GSDMC: variants seen among roughly 807,000 people sequenced by gnomAD.
GSDMC encodes gasdermin-C.
A neutral mutation model predicts 58.0 loss-of-function variants in GSDMC; 59 were observed. The observed-to-expected ratio is 1.02, with a 90% CI of 0.82 to 1.26. The LOEUF (loss-of-function observed/expected upper bound fraction) is 1.26, where lower values mean the gene tolerates loss of function less well. GSDMC is among the 50% of genes most tolerant of loss of function. The pLI is 0.00. For synonymous variants in GSDMC, 241 were observed against 220.2 expected (o/e 1.09, Z -0.83); for missense variants, 659 against 598.5 (o/e 1.10, Z -1.06).
chr8:129,728,305 C>A, the GSDMC span, among the ~76,000 whole-genome samples: 1 of 152,300 alleles, frequency 6.6e-6, no homozygotes, highest in Admixed American at 6.5e-5. Flanking sequence ...CCCACTGTTT[C>A]TGTGCAGTGA....
At position 129,752,131 on chromosome 8, in the gene GSDMC, CTG is replaced by C. The variant is rs1291975422; in HGVS notation, c.859_860del (p.Gln287AlafsTer104). ...MKLKPELFLT[Q>X]QFLSGHLPKY... ...TTGGCAAATGCCCGCTCAAAAATTGCTGTGTCAGAAATAGCTCTGGAAAGAGA... is the reference window on the plus strand; with the variant it reads ...TTGGCAAATGCCCGCTCAAAAATTGCTGTCAGAAATAGCTCTGGAAAGAGA... On this transcript the variant is annotated frameshift_variant, in exon 8 of 14. Transcript: ENST00000276708. LOFTEE classifies it high-confidence loss of function. 9 of 1,613,062 alleles carry C rather than the reference CTG, an allele frequency of 5.6e-6. No individual in the cohort carries two copies. The highest frequency in any genetic ancestry group is 4.0e-5 in the African/African-American group (3 of 74,906).
the GSDMC span, among the ~76,000 whole-genome samples, chr8:129,718,040 TTAAATG>T: frequency 6.6e-6 from 1 of 152,102 alleles, no homozygotes; most frequent in South Asian, 2.1e-4. Flanking sequence ...GATTCAAAAC[TTAAATG>T]TAAGACCTAA....
At chr8:129,727,539 G>A in the GSDMC span, among the ~76,000 whole-genome samples, 3 of 152,308 alleles carry the variant, frequency 2.0e-5, no homozygotes, top group South Asian at 6.2e-4. Flanking sequence ...GGCCGAGGGA[G>A]AGCACTTTGT....
At chr8:129,759,756 G>A (rs531377682) in intron 6 of GSDMC, among the ~76,000 whole-genome samples, 66 of 152,242 alleles carry the variant, frequency 4.3e-4, no homozygotes, top group African/African-American at 1.5e-3. Flanking sequence ...CTCATATGCC[G>A]TTGATGGGAA....
At chr8:129,725,239 G>A in the GSDMC span, among the ~76,000 whole-genome samples, 1 of 152,178 alleles carries the variant, frequency 6.6e-6, no homozygotes, top group Non-Finnish European at 1.5e-5. Context: ...ATGGCAGCAC[G>A]TCCCTGTCCT....
the GSDMC span, among the ~76,000 whole-genome samples, chr8:129,717,944 T>A: frequency 6.6e-6 from 1 of 152,110 alleles, no homozygotes; most frequent in Non-Finnish European, 1.5e-5. Context: ...ATTTAATAAA[T>A]GGTGTTGGGG....
chr8:129,722,303 G>C, the GSDMC span, among the ~76,000 whole-genome samples: 1 of 152,196 alleles, frequency 6.6e-6, no homozygotes, highest in Non-Finnish European at 1.5e-5. Flanking sequence ...AAGAGGTGAA[G>C]CTTTAATGAA....
intron 3 of GSDMC, among the ~76,000 whole-genome samples, chr8:129,766,150 T>C (rs1051783901): frequency 6.6e-6 from 1 of 152,144 alleles, no homozygotes; most frequent in Non-Finnish European, 1.5e-5. Context: ...GAACAGTCTT[T>C]AGGAGGTCCT....
chr8:129,782,320 C>T (rs2034437990), intron 1 of GSDMC, among the ~76,000 whole-genome samples: 1 of 152,026 alleles, frequency 6.6e-6, no homozygotes. Flanking sequence ...AAACCAAGAG[C>T]AGCCCAAACC....
rs539328473 is a variant in GSDMC, at chr8:129,753,035, G to A, written c.722-215C>T. ...TGCAAATGCCAGCCAAAGAGCTCTG[G>A]AGTCCTAGGTAAACTTAAAGGTCAG... On this transcript the variant is annotated intron_variant, in intron 6 of 13. Coordinates refer to ENST00000276708, the MANE Select transcript of GSDMC (RefSeq NM_031415.3). 7.6e-5 allele frequency: 63 copies of A among 833,886 alleles called. No homozygotes were observed. The East Asian group carries it at 1.8e-3, about 24-fold the overall frequency. The allele number at this position is 833,886 out of a possible 1,614,324, so 51.7% of individuals were successfully genotyped here. A position where few individuals can be genotyped will look rare whatever the true frequency, so the allele number is the denominator to read the frequency against.
intron 3 of GSDMC, among the ~76,000 whole-genome samples, chr8:129,772,065 C>T (rs1185617237): frequency 6.6e-6 from 1 of 152,040 alleles, no homozygotes; most frequent in East Asian, 1.9e-4. Flanking sequence ...GAGATCGAGA[C>T]CATCCTGGCT....
At chr8:129,777,762 T>C (rs1378363067) in intron 1 of GSDMC, among the ~76,000 whole-genome samples, 171 bp from the exon 2 acceptor site, 3 of 152,196 alleles carry the variant, frequency 2.0e-5, no homozygotes, top group Non-Finnish European at 2.9e-5. Context: ...CATTTTTTTG[T>C]TGTTTTTGAG....
the GSDMC span, chr8:129,722,890 T>G: frequency 6.6e-6 from 1 of 152,208 alleles, no homozygotes; most frequent in Non-Finnish European, 1.5e-5. Flanking sequence ...TAAGCTGATT[T>G]GAATTATCTA....
At chr8:129,729,275 G>A in the GSDMC span, 1 of 613,574 alleles carries the variant, frequency 1.6e-6, no homozygotes, top group Admixed American at 2.1e-5. Context: ...TGCCAGTATT[G>A]GGGGTTCAGA....
At chr8:129,758,059 A>C (rs2033510875) in intron 6 of GSDMC, among the ~76,000 whole-genome samples, 1 of 152,230 alleles carries the variant, frequency 6.6e-6, no homozygotes, top group African/African-American at 2.4e-5. Context: ...AAGATAGTTC[A>C]ACATACACAA....
Position 129,748,667 on chromosome 8 carries a change from G to A in GSDMC, c.1361C>T (p.Ala454Val). ...IPFTLKPELLAPLQSEGLAIT... is the reference protein window; with the variant it reads ...IPFTLKPELLVPLQSEGLAIT... ...GGCCAAACCCTCACTCTGGAGTGGG[G>A]CGAGGAGCTCAGGTTTGAGGGTGAA... The change falls in exon 14 of 14, where the codon GCC becomes GTC. Residue 454 changes from alanine to valine, a missense_variant. Coordinates refer to ENST00000276708, the MANE Select transcript of GSDMC (RefSeq NM_031415.3). 3.7e-6 allele frequency: 6 copies of A among 1,608,864 alleles called. No homozygotes were observed. The highest frequency in any genetic ancestry group is 2.2e-5 in the East Asian group (1 of 44,464).
downstream of GSDMC, among the ~76,000 whole-genome samples, chr8:129,744,741 G>A (rs1162216020): frequency 1.3e-5 from 2 of 152,196 alleles, no homozygotes; most frequent in South Asian, 4.1e-4. Context: ...TTTAAGAATG[G>A]TTTCTGGATA....
chr8:129,780,013 C>T (rs1407124717), intron 1 of GSDMC, among the ~76,000 whole-genome samples: 1 of 152,056 alleles, frequency 6.6e-6, no homozygotes, highest in African/African-American at 2.4e-5. Context: ...CTCTTAATAA[C>T]AGAATTGATC....
chr8:129,776,749 GT>G (rs2034241860), intron 2 of GSDMC, among the ~76,000 whole-genome samples: 1 of 151,744 alleles, frequency 6.6e-6, no homozygotes, highest in South Asian at 2.1e-4. Context: ...TGTTGTTGTT[GT>G]TGTTGTTGTT....
Sources: allele counts gnomAD v4.1 joint callset (sites outside exome capture counted in the v4.1 genomes callset), GRCh38; gene constraint gnomAD v4.1.1; transcripts MANE v1.5; gene names NCBI Gene and HGNC (gene_info 2026-07-23, HGNC 2026-07-21).